RTN4: variants seen among roughly 807,000 people sequenced by gnomAD.
RTN4 encodes reticulon 4.
RTN4 carries 32 observed loss-of-function variants against 90.4 expected under a neutral mutation model. The observed-to-expected ratio is 0.35, with a 90% CI of 0.27 to 0.48. RTN4 has a LOEUF of 0.48. Ranked by LOEUF, RTN4 falls within the 20% of genes least tolerant of loss-of-function variation. The pLI is 0.99. For missense variants in RTN4, 1,706 were observed against 1,430.2 expected (o/e 1.19, Z -3.11); for synonymous variants, 629 against 552.5 (o/e 1.14, Z -1.94).
At chr2:54,984,239 T>C (rs1031025443) in intron 4 of RTN4, among the ~76,000 whole-genome samples, 4 of 152,206 alleles carry the variant, frequency 2.6e-5, no homozygotes, top group East Asian at 1.9e-4. Flanking sequence ...GTTAGTCTTA[T>C]AGTATTTACT....
intron 3 of RTN4, among the ~76,000 whole-genome samples, chr2:55,012,232 G>T (rs1365511581): frequency 6.6e-6 from 1 of 152,112 alleles, no homozygotes; most frequent in Non-Finnish European, 1.5e-5. Context: ...AAAGAAAAAA[G>T]TCTGAGAGGG....
intron 1 of RTN4, among the ~76,000 whole-genome samples, chr2:55,111,256 T>C (rs1359646105): frequency 6.6e-6 from 1 of 152,124 alleles, no homozygotes; most frequent in African/African-American, 2.4e-5. Flanking sequence ...AAATTCACTT[T>C]AACCTCACTC....
chr2:55,073,858 T>C (rs990967884), intron 2 of RTN4, among the ~76,000 whole-genome samples: 3 of 152,220 alleles, frequency 2.0e-5, no homozygotes, highest in African/African-American at 4.8e-5. Context: ...ACTCGTTGGT[T>C]GGTGGCAGTG....
Position 54,973,634 on chromosome 2 carries a change from T to C in RTN4, c.3478-13A>G. On this transcript the variant is annotated splice_polypyrimidine_tract_variant and intron_variant, in intron 7 of 8. Coordinates refer to ENST00000337526, the MANE Select transcript of RTN4 (RefSeq NM_020532.5). Reference sequence around the variant, plus strand: ...GATCTATCTGTGCCTGAAAGAGAGGTATAAAGGAATTATTACCGTTGCTAA... The same window carrying C: ...GATCTATCTGTGCCTGAAAGAGAGGCATAAAGGAATTATTACCGTTGCTAA... 2 of 1,600,930 alleles carry C rather than the reference T, an allele frequency of 1.2e-6. No individual in the cohort carries two copies. The highest frequency in any genetic ancestry group is 8.6e-7 in the Non-Finnish European group (1 of 1,168,120).
intron 1 of RTN4, among the ~76,000 whole-genome samples, chr2:55,043,295 T>C (rs1353707669): frequency 6.6e-6 from 1 of 152,200 alleles, no homozygotes; most frequent in Non-Finnish European, 1.5e-5. Flanking sequence ...AAGTATAGTA[T>C]ATCTGCAACA....
At chr2:55,036,030 CT>C (rs1475421345) in intron 1 of RTN4, among the ~76,000 whole-genome samples, 1 of 152,094 alleles carries the variant, frequency 6.6e-6, no homozygotes, top group Non-Finnish European at 1.5e-5. Flanking sequence ...TATAAAACAT[CT>C]AATGAATAGT....
intron 2 of RTN4, among the ~76,000 whole-genome samples, chr2:55,080,177 C>A (rs72914507): frequency 6.6e-6 from 1 of 151,966 alleles, no homozygotes; most frequent in East Asian, 1.9e-4. Flanking sequence ...CCACCATACC[C>A]GGCTAACTTT....
chr2:55,111,083 G>T (rs747846947), intron 1 of RTN4, among the ~76,000 whole-genome samples: 1 of 152,030 alleles, frequency 6.6e-6, no homozygotes, highest in Non-Finnish European at 1.5e-5. Context: ...CCGCATGGGG[G>T]ATAAGGTCTG....
chr2:55,031,354 C>T (rs1421671526), intron 1 of RTN4, among the ~76,000 whole-genome samples: 1 of 152,208 alleles, frequency 6.6e-6, no homozygotes, highest in East Asian at 1.9e-4. Context: ...GAATACCGCA[C>T]TCTTGCTAAG....
upstream of RTN4, among the ~76,000 whole-genome samples, chr2:55,051,954 TAAGA>T (rs1668100729): frequency 6.6e-6 from 1 of 152,220 alleles, no homozygotes; most frequent in South Asian, 2.1e-4. Flanking sequence ...GATTAATAAT[TAAGA>T]AAGTTTGATT....
intron 1 of RTN4, among the ~76,000 whole-genome samples, chr2:55,047,597 T>C (rs1466288146): frequency 1.3e-5 from 2 of 152,104 alleles, no homozygotes; most frequent in African/African-American, 4.8e-5. Flanking sequence ...TCAGACTGAT[T>C]TTCTTTTAAG....
Position 55,063,811 on chromosome 2 carries a change from G to A in RTN4, c.-63+16678C>T, listed in dbSNP as rs143772002. Among the ~76,000 whole-genome samples the A allele has an allele frequency of 5.3e-3, 810 of 152,098 alleles. 10 individuals carry two copies. Among genetic ancestry groups the A allele is most frequent in the African/African-American group, 0.018 (765 of 41,458 alleles). On this transcript the variant is annotated intron_variant, in intron 2 of 3. Transcript: ENST00000427710. ...CAGGAGAATTGCTTGAACCTGGGAG[G>A]CAGAGGTTACAGTGAGCGGAGACTG...
intron 3 of RTN4, among the ~76,000 whole-genome samples, chr2:54,993,118 T>C (rs1354714484): frequency 6.6e-6 from 1 of 151,202 alleles, no homozygotes; most frequent in African/African-American, 2.4e-5. Context: ...CATATAACTA[T>C]GAAGTCTGAA....
At chr2:55,103,109 GA>G (rs34149411) in intron 1 of RTN4, among the ~76,000 whole-genome samples, 1,198 of 110,492 alleles carry the variant, frequency 0.011, 23 homozygotes, top group African/African-American at 0.039. Context: ...CAAAACTCCG[GA>G]AAAAAAAAAA....
Position 54,972,354 on chromosome 2 carries a change from A to AAGCATTAGATTCAGTCCATAGATTCTGT in RTN4, c.*774_*801dup, listed in dbSNP as rs1677107985. ...ATTTGCAAACAAACAACATTTTTGG[A>AAGCATTAGATTCAGTCCATAGATTCTGT]AGCATTAGATTCAGTCCATAGATTC... On this transcript the variant is annotated 3_prime_UTR_variant, in exon 9 of 9. Coordinates refer to ENST00000337526, the MANE Select transcript of RTN4 (RefSeq NM_020532.5). The AAGCATTAGATTCAGTCCATAGATTCTGT allele has an allele frequency of 1.3e-5, 2 of 152,656 alleles. No homozygotes were observed. The highest frequency in any genetic ancestry group is 1.5e-5 in the Non-Finnish European group (1 of 68,046). The allele number at this position is 152,656 out of a possible 1,614,324, so 9.5% of individuals were successfully genotyped here.
chr2:55,050,524 T>C (rs200177765), upstream of RTN4: 1 of 379,260 alleles, frequency 2.6e-6, no homozygotes, highest in Non-Finnish European at 4.7e-6. The surrounding 1 kb of genome is among the most constrained non-coding windows in gnomAD (Gnocchi z 4.6). Context: ...GCCGCCCAGA[T>C]GAGCTAGGAG....
chr2:54,997,307 T>A (rs986688179), intron 3 of RTN4, among the ~76,000 whole-genome samples: 1 of 152,136 alleles, frequency 6.6e-6, no homozygotes, highest in Admixed American at 6.5e-5. Context: ...CACAATGAGA[T>A]ACCACTTCAT....
At chr2:55,075,008 T>C (rs1280527728) in intron 2 of RTN4, among the ~76,000 whole-genome samples, 1 of 152,164 alleles carries the variant, frequency 6.6e-6, no homozygotes, top group Non-Finnish European at 1.5e-5. Context: ...TTGCCCCTGA[T>C]AACTGGAACA....
intron 3 of RTN4, among the ~76,000 whole-genome samples, chr2:54,997,781 G>A (rs2104730099): frequency 6.6e-6 from 1 of 152,248 alleles, no homozygotes; most frequent in Non-Finnish European, 1.5e-5. Flanking sequence ...ATAGTACAAT[G>A]AGATATTTTG....
Sources: gnomAD v4.1 joint callset for allele counts (sites outside exome capture counted in the v4.1 genomes callset) on GRCh38, gnomAD v4.1.1 for gene constraint, Gnocchi (gnomAD v3.1) non-coding constraint, MANE v1.5 for transcripts, NCBI Gene and HGNC (gene_info 2026-07-23, HGNC 2026-07-21) for gene names.